DACT2: variants seen among roughly 807,000 people sequenced by gnomAD.
DACT2 encodes the protein dapper homolog 2.
A neutral mutation model predicts 22.2 loss-of-function variants in DACT2; 20 were observed. The observed-to-expected ratio is 0.90, with a 90% CI of 0.63 to 1.31. The LOEUF is 1.31. DACT2 is among the 50% of genes most tolerant of loss of function. The pLI is 0.00. For synonymous variants in DACT2, 463 were observed against 479.8 expected (o/e 0.96, Z 0.46); for missense variants, 1,048 against 1,061.4 (o/e 0.99, Z 0.18).
At chr6:168,294,690 G>A in exon 4 of DACT2, 1 of 1,500,712 alleles carries the variant, frequency 6.7e-7, no homozygotes, top group South Asian at 1.3e-5. Flanking sequence ...AGTTCACCTG[G>A]AGCATTGCAC....
chr6:168,318,726 T>C (rs570381887), intron 1 of DACT2, among the ~76,000 whole-genome samples: 122 of 151,846 alleles, frequency 8.0e-4, no homozygotes, highest in Non-Finnish European at 6.3e-4. Context: ...GCCCAGGGAG[T>C]GCTGAAGAGG....
chr6:168,316,321 G>A (rs952666050), intron 1 of DACT2, among the ~76,000 whole-genome samples: 4 of 140,344 alleles, frequency 2.9e-5, no homozygotes, highest in Non-Finnish European at 6.2e-5. Context: ...CGCAGAAGCT[G>A]CGATTGTGTC....
intron 1 of DACT2, 140 bp downstream of exon 1, chr6:168,319,248 C>T: frequency 1.2e-6 from 1 of 815,730 alleles, no homozygotes. Flanking sequence ...GGAGACCGAA[C>T]TGCATTCCAT....
rs778559132 is a variant in DACT2, at chr6:168,294,575, G to GTATATATATATA, written c.730+57_730+58insTATATATATATA. 2.0e-5 allele frequency: 7 copies of GTATATATATATA among 342,486 alleles called. No individual in the cohort carries two copies. The African/African-American group carries it at 2.8e-4, about 14-fold the overall frequency. The allele number at this position is 342,486 out of a possible 1,614,324, so 21.2% of individuals were successfully genotyped here. On this transcript the variant is annotated intron_variant, in intron 4 of 5. Coordinates refer to the DACT2 transcript ENST00000366796. Reference sequence around the variant, plus strand: ...TGTGTGTGTGTATGTGTGTGTGTGTGTGTATATATATATATATATATATAT... The same window carrying GTATATATATATA: ...TGTGTGTGTGTATGTGTGTGTGTGTGTATATATATATATGTATATATATATATATATATATAT...
At chr6:168,305,358 G>A (rs749327360), downstream of DACT2, among the ~76,000 whole-genome samples, 8 of 126,956 alleles carry the variant, frequency 6.3e-5, no homozygotes, top group East Asian at 2.2e-4. Context: ...TCTAAAAGAC[G>A]GGCACTGTCA....
At chr6:168,300,957 GC>G (rs1402842789) in intron 3 of DACT2, among the ~76,000 whole-genome samples, 1 of 152,176 alleles carries the variant, frequency 6.6e-6, no homozygotes, top group Admixed American at 6.5e-5. Context: ...CTGCACTCCA[GC>G]CTGGGCGACA....
intron 1 of DACT2, among the ~76,000 whole-genome samples, chr6:168,312,574 AG>A (rs1779448139): frequency 6.6e-6 from 1 of 152,160 alleles, no homozygotes; most frequent in South Asian, 2.1e-4. Flanking sequence ...CCCACTCTAA[AG>A]GGTTTATAAT....
chr6:168,296,895 C>T (rs1326795602), intron 3 of DACT2, among the ~76,000 whole-genome samples: 1 of 152,076 alleles, frequency 6.6e-6, no homozygotes, highest in Non-Finnish European at 1.5e-5. Flanking sequence ...ACTCGCAAAA[C>T]CTGTAACTTA....
At chr6:168,310,029 G>A (rs1240173603) in intron 3 of DACT2, 139 bp downstream of exon 3, 27 of 1,339,880 alleles carry the variant, frequency 2.0e-5, no homozygotes, top group African/African-American at 1.0e-4. Flanking sequence ...CGTGGCCCAC[G>A]GAGGCCTTCC....
At chr6:168,314,092 A>G (rs908765132) in intron 1 of DACT2, among the ~76,000 whole-genome samples, 6 of 152,184 alleles carry the variant, frequency 3.9e-5, no homozygotes, top group Non-Finnish European at 7.3e-5. Context: ...AGGGTCAGAC[A>G]TTGTGCTCAC....
Position 168,308,933 on chromosome 6 carries a change from T to C in DACT2, c.824A>G (p.Tyr275Cys). The change falls in exon 4 of 4, where the codon TAC becomes TGC. Residue 275 changes from tyrosine to cysteine, a missense_variant. By Grantham distance (194) the Tyr-to-Cys change is radical. Transcript: ENST00000366795. ...VSQGGREVYP[Y>C]PSPLHAVALQ... ...AGCCACGGCGTGCAGGGGGCTGGGGTACGGGTACACCTCCCTGCCGCCCTG... is the reference window on the plus strand; with the variant it reads ...AGCCACGGCGTGCAGGGGGCTGGGGCACGGGTACACCTCCCTGCCGCCCTG... 1.9e-6 allele frequency: 3 copies of C among 1,550,166 alleles called. No individual in the cohort carries two copies. The highest frequency in any genetic ancestry group is 2.6e-6 in the Non-Finnish European group (3 of 1,146,942).
rs904090536 is a variant in DACT2, at chr6:168,307,899, G to A, written c.1858C>T (p.Arg620Cys). 5.6e-5 allele frequency: 78 copies of A among 1,385,192 alleles called. No homozygotes were observed. The highest frequency in any genetic ancestry group is 1.6e-4 in the South Asian group (10 of 62,150). The allele number at this position is 1,385,192 out of a possible 1,614,324, so 85.8% of individuals were successfully genotyped here. The change falls in exon 4 of 4, where the codon CGC (arginine) becomes TGC (cysteine). Residue 620 changes from arginine to cysteine, a missense_variant. Transcript: ENST00000366795. This position sits in a 1 kb window ranked among gnomAD's most constrained non-coding sequence, Gnocchi z 5.3. ...TTAGACTCAGGACAGCTGGCCAGGC[G>A]GGCCCGGGCCGAGATCTCCACGGTG... ...QSTVEISARA[R>C]LASCPESNLG...
At chr6:168,310,109 G>A (rs1450279985) in intron 3 of DACT2, 59 bp downstream of exon 3, 2 of 1,537,806 alleles carry the variant, frequency 1.3e-6, no homozygotes, top group African/African-American at 1.4e-5. Flanking sequence ...GCTGGGGACT[G>A]CACTCTGCCA....
At chr6:168,302,962 C>T (rs951303401), downstream of DACT2, among the ~76,000 whole-genome samples, 3 of 152,208 alleles carry the variant, frequency 2.0e-5, no homozygotes, top group African/African-American at 4.8e-5. Flanking sequence ...AGACAGTCAA[C>T]AAATTCTTGT....
In DACT2 at chr6:168,307,424, A is replaced by G. The variant is rs1469948586; in HGVS notation, c.*8T>C. On this transcript the variant is annotated 3_prime_UTR_variant, in exon 4 of 4. Transcript: ENST00000366795. The surrounding 1 kb of genome is among the most constrained non-coding windows in gnomAD (Gnocchi z 5.3). ...GCAGCAGGCTTCTCTTGACGCAGTC[A>G]CTGCACCTCACACCATGGTCATGAC... is the stretch of plus-strand genomic sequence containing the variant. The G allele has an allele frequency of 1.9e-6, 3 of 1,551,498 alleles. No homozygotes were observed. Among genetic ancestry groups the G allele is most frequent in the Admixed American group, 3.9e-5 (2 of 50,974 alleles).
chr6:168,297,143 G>A (rs1779022547), intron 3 of DACT2, among the ~76,000 whole-genome samples: 2 of 152,198 alleles, frequency 1.3e-5, no homozygotes, highest in African/African-American at 2.4e-5. Context: ...ACAATACCAT[G>A]TTTTGGAAGT....
At position 168,308,280 on chromosome 6, in the gene DACT2, TG is replaced by T; in HGVS notation, c.1476del (p.Lys493ArgfsTer16). On this transcript the variant is annotated frameshift_variant, in exon 4 of 4. Coordinates refer to ENST00000366795, the MANE Select transcript of DACT2 (RefSeq NM_214462.5). LOFTEE classifies it low-confidence loss of function (END_TRUNC). ...SFAASLKMGP[P>X]KSKAEKIKRS... The stretch of plus-strand genomic sequence containing the variant: ...CTCTTGATTTTTTCAGCCTTGCTCT[TG>T]GGGGGACCCATTTTCAGGCTGGCAG... 1 of 1,552,278 alleles carries T rather than the reference TG, an allele frequency of 6.4e-7. No homozygotes were observed. The highest frequency in any genetic ancestry group is 8.7e-7 in the Non-Finnish European group (1 of 1,147,118).
At position 168,310,398 on chromosome 6, in the gene DACT2, C is replaced by A; in HGVS notation, c.428G>T (p.Cys143Phe). Residue 143 changes from cysteine to phenylalanine, a missense_variant, in exon 3 of 4, where the codon TGT (cysteine) becomes TTT (phenylalanine). Transcript: ENST00000366795. ...GATGTGGTCACTGCAGACGGAGGCA[C>A]AGGACGTGGACAGGGAGCAGGATCC... Reference protein sequence around the residue: ...DGGSCSLSTSCASVCSDHISP... With the variant: ...DGGSCSLSTSFASVCSDHISP... 6.4e-7 allele frequency: 1 copy of A among 1,551,602 alleles called. No individual in the cohort carries two copies. Among genetic ancestry groups the A allele is most frequent in the Non-Finnish European group, 8.7e-7 (1 of 1,146,938 alleles).
chr6:168,312,570 C>G (rs1289886745), intron 1 of DACT2, among the ~76,000 whole-genome samples: 1 of 152,182 alleles, frequency 6.6e-6, no homozygotes, highest in Non-Finnish European at 1.5e-5. Flanking sequence ...TTCCCCCACT[C>G]TAAAGGGTTT....
Sources: gnomAD v4.1 joint callset for allele counts (sites outside exome capture counted in the v4.1 genomes callset) on GRCh38, gnomAD v4.1.1 for gene constraint, Gnocchi (gnomAD v3.1) non-coding constraint, MANE v1.5 for transcripts, NCBI Gene and HGNC (gene_info 2026-07-23, HGNC 2026-07-21) for gene names.